Variants in ITGAL observed in about 807,000 individuals in gnomAD.
ITGAL encodes the protein integrin subunit alpha L.
Under a neutral mutation model 138.4 loss-of-function variants are expected in ITGAL, and 68 were observed. That is an observed-to-expected ratio of 0.49 (90% CI 0.40 to 0.60). The LOEUF is 0.60. ITGAL is among the 20% of genes least tolerant of loss of function. The pLI, the probability that ITGAL is intolerant of heterozygous loss-of-function variation, is 0.00. For missense variants in ITGAL, 1,256 were observed against 1,478.6 expected (o/e 0.85, Z 2.47); for synonymous variants, 561 against 584.3 (o/e 0.96, Z 0.57).
chr16:30,477,293 T>C (rs1308750775), intron 4 of ITGAL: 1 of 152,208 alleles, frequency 6.6e-6, no homozygotes, highest in Non-Finnish European at 1.5e-5. Context: ...GGCTCACATC[T>C]GTAATCCCAG....
intron 19 of ITGAL, 37 bp downstream of exon 19, chr16:30,505,337 A>G (rs762959212): frequency 7.4e-6 from 12 of 1,613,266 alleles, no homozygotes; most frequent in Non-Finnish European, 7.6e-6. Flanking sequence ...GAGGCCTGGG[A>G]ACAAGTCCCT....
chr16:30,476,633 C>CTTT (rs36005241), intron 4 of ITGAL, among the ~76,000 whole-genome samples: 3 of 137,448 alleles, frequency 2.2e-5, no homozygotes, highest in South Asian at 2.3e-4. Context: ...GGAAACACTG[C>CTTT]TTTTTTTTTT....
intron 22 of ITGAL, 125 bp downstream of exon 22, chr16:30,510,596 T>C (rs1270029551): frequency 1.5e-5 from 10 of 659,902 alleles, no homozygotes; most frequent in Middle Eastern, 3.3e-4. Flanking sequence ...TGCCCCTACC[T>C]AAGAGAAATG....
intron 2 of ITGAL, 69 bp downstream of exon 2, chr16:30,474,367 TC>T: frequency 9.2e-7 from 1 of 1,091,072 alleles, no homozygotes; most frequent in Non-Finnish European, 1.4e-6. Context: ...GGTGGCCGCC[TC>T]CCCGACCCTC....
intron 11 of ITGAL, among the ~76,000 whole-genome samples, chr16:30,493,677 G>T (rs1003702750): frequency 6.6e-5 from 10 of 152,188 alleles, no homozygotes; most frequent in Middle Eastern, 6.8e-3. Context: ...ATCACCTGAG[G>T]CCAGGAGTTT....
chr16:30,514,955 G>T (rs1295937391), intron 25 of ITGAL, among the ~76,000 whole-genome samples: 2 of 151,420 alleles, frequency 1.3e-5, no homozygotes, highest in Admixed American at 1.3e-4. Flanking sequence ...CTTCTGAGTA[G>T]CTGAGATTAC....
rs544433929 is a variant in ITGAL at position 30,498,776 on chromosome 16, C to G, written c.1833-298C>G. ...GTTAGCCAGGTGTGGTGGCACATGC[C>G]TGTGGTCCCAGATCCTTGGGAGGCT... On this transcript the variant is annotated intron_variant, in intron 15 of 30. Transcript: ENST00000356798. 3.3e-5 allele frequency: 9 copies of G among 273,632 alleles called. 1 individual carries two copies. The South Asian group carries it at 6.0e-4, about 18-fold the overall frequency. 17.0% of individuals were successfully genotyped at this position (273,632 alleles called of 1,614,324 possible).
Position 30,489,445 on chromosome 16 carries a change from G to T in ITGAL, c.1213+59G>T, listed in dbSNP as rs1464225273. 3.2e-6 allele frequency: 5 copies of T among 1,568,054 alleles called. No individual in the cohort carries two copies. The East Asian group carries it at 9.0e-5, about 28-fold the overall frequency. On this transcript the variant is annotated intron_variant, in intron 11 of 30. Coordinates refer to ENST00000356798, the MANE Select transcript of ITGAL (RefSeq NM_002209.3). ...GTTGTTGAGGTCAGATGGTCGCTCA[G>T]CCTGGCTTCCAAAACAATAATGAAA...
intron 20 of ITGAL, among the ~76,000 whole-genome samples, chr16:30,506,290 T>G (rs1004085028): frequency 1.5e-5 from 2 of 129,142 alleles, no homozygotes; most frequent in Admixed American, 8.1e-5. Flanking sequence ...CCGGGGGCGG[T>G]GGCCTGTAAT....
chr16:30,494,552 C>T lies in ITGAL; in HGVS notation c.1366-161C>T, dbSNP rs1172371537. Among the ~76,000 whole-genome samples, 1 of 152,190 alleles carries T rather than the reference C, an allele frequency of 6.6e-6. No individual in the cohort carries two copies. The highest frequency in any genetic ancestry group is 2.4e-5 in the African/African-American group (1 of 41,452). On this transcript the variant is annotated intron_variant, in intron 12 of 30. Coordinates refer to ENST00000356798, the MANE Select transcript of ITGAL (RefSeq NM_002209.3). The surrounding 1 kb of genome is among the most constrained non-coding windows in gnomAD (Gnocchi z 4.2). ...CTCTCTAGTTTAAGAAACTGAACCT[C>T]AAAGAGCCCACCTTGTCTTAACGCA...
intron 26 of ITGAL, 27 bp from the exon 27 acceptor site, chr16:30,517,622 A>G: frequency 1.2e-6 from 2 of 1,608,042 alleles, no homozygotes; most frequent in Non-Finnish European, 1.7e-6. Flanking sequence ...GGGAGGCTCT[A>G]ACTGAAGACC....
intron 20 of ITGAL, among the ~76,000 whole-genome samples, chr16:30,505,962 C>G (rs1477328193): frequency 1.3e-5 from 2 of 152,116 alleles, no homozygotes; most frequent in African/African-American, 2.4e-5. Flanking sequence ...AATTGTAAAA[C>G]TGAAAGTCTG....
rs776097961 is a variant in ITGAL at position 30,475,600 on chromosome 16, G to A, written c.327+20G>A. ...ATTTTGGTAAGAATTTTGTGCAGTG[G>A]TGTTATCAGAGCCTGTGAAGCTCAA... On this transcript the variant is annotated intron_variant, in intron 4 of 30. Coordinates refer to ENST00000356798, the MANE Select transcript of ITGAL (RefSeq NM_002209.3). 2 of 1,584,096 alleles carry A rather than the reference G, an allele frequency of 1.3e-6. No homozygotes were observed. The highest frequency in any genetic ancestry group is 1.1e-5 in the South Asian group (1 of 90,546).
At chr16:30,521,293 G>C (rs986437068) in intron 30 of ITGAL, among the ~76,000 whole-genome samples, 199 bp from the exon 31 acceptor site, 3 of 151,696 alleles carry the variant, frequency 2.0e-5, no homozygotes, top group Non-Finnish European at 4.4e-5. Flanking sequence ...TGTAATCCCA[G>C]CTACTGAGGA....
intron 18 of ITGAL, 189 bp from the exon 19 acceptor site, chr16:30,505,055 G>T: frequency 4.6e-6 from 2 of 432,360 alleles, no homozygotes; most frequent in Non-Finnish European, 8.3e-6. Context: ...AGCAGAGTAA[G>T]ACTGCACAAA....
intron 9 of ITGAL, among the ~76,000 whole-genome samples, chr16:30,485,387 T>G (rs1480423267): frequency 6.7e-6 from 1 of 148,836 alleles, no homozygotes; most frequent in African/African-American, 2.5e-5. Context: ...CCACCACGCC[T>G]GGCTAATTTT....
chr16:30,504,212 C>T lies in ITGAL; in HGVS notation c.2183C>T (p.Ser728Phe). Reference sequence around the variant, plus strand: ...GACCTCATCTCCCCCATCAATGTTTCCCTGAATTTCTCTCTTTGGGAGGAG... The same window carrying T: ...GACCTCATCTCCCCCATCAATGTTTTCCTGAATTTCTCTCTTTGGGAGGAG... ...VQDLISPINV[S>F]LNFSLWEEEG... The change falls in exon 18 of 31, where the codon TCC becomes TTC. Residue 728 changes from serine to phenylalanine, a missense_variant. Physicochemically the swap from Ser to Phe is radical, Grantham distance 155. Transcript: ENST00000356798. 1 of 1,613,828 alleles carries T rather than the reference C, an allele frequency of 6.2e-7. No individual in the cohort carries two copies. The highest frequency in any genetic ancestry group is 8.5e-7 in the Non-Finnish European group (1 of 1,179,756).
At chr16:30,519,997 C>A in intron 30 of ITGAL, 30 bp downstream of exon 30, 1 of 1,475,846 alleles carries the variant, frequency 6.8e-7, no homozygotes, top group Non-Finnish European at 9.4e-7. Flanking sequence ...ACAGGCATTG[C>A]TGAGACAGCC....
At chr16:30,508,089 T>A (rs941370125) in intron 21 of ITGAL, among the ~76,000 whole-genome samples, 6 of 150,422 alleles carry the variant, frequency 4.0e-5, no homozygotes, top group African/African-American at 1.2e-4. Flanking sequence ...TTTGTATTTT[T>A]AGTAGAGACG....
Sources: allele counts gnomAD v4.1 joint callset (sites outside exome capture counted in the v4.1 genomes callset), GRCh38; gene constraint gnomAD v4.1.1; non-coding constraint Gnocchi (gnomAD v3.1); transcripts MANE v1.5; gene names NCBI Gene and HGNC (gene_info 2026-07-23, HGNC 2026-07-21).